Variants in KRT12 observed in about 807,000 individuals in gnomAD.
KRT12 encodes the protein keratin, type I cytoskeletal 12.
KRT12 carries 43 observed loss-of-function variants against 50.2 expected under a neutral mutation model. The ratio of observed to expected loss-of-function variants is 0.86; its 90% confidence interval spans 0.67 to 1.11. The LOEUF (loss-of-function observed/expected upper bound fraction) is 1.11. KRT12 is among the 50% of genes least tolerant of loss of function. KRT12 has a pLI of 0.00. For missense variants in KRT12, 588 were observed against 625.6 expected, an observed-to-expected ratio of 0.94 and a Z score of 0.64; for synonymous variants, 257 against 253.6, an observed-to-expected ratio of 1.01 and a Z score of -0.13.
rs1906913393 is a variant in KRT12, at chr17:40,863,953, T to TACAAACACACACACAC, written c.808-90_808-89insGTGTGTGTGTGTTTGT. Reference sequence around the variant, plus strand: ...ACTTTTGTCCTCTTGGGCCCCTTCCTACACACACACACACACACACACACA... The same window carrying TACAAACACACACACAC: ...ACTTTTGTCCTCTTGGGCCCCTTCCTACAAACACACACACACACACACACACACACACACACACACA... On this transcript the variant is annotated intron_variant, in intron 3 of 7. Transcript: ENST00000251643. The surrounding 1 kb of genome is among the most constrained non-coding windows in gnomAD (Gnocchi z 4.2). 1 of 474,080 alleles carries TACAAACACACACACAC rather than the reference T, an allele frequency of 2.1e-6. No individual in the cohort carries two copies. Among genetic ancestry groups the TACAAACACACACACAC allele is most frequent in the Non-Finnish European group, 3.7e-6 (1 of 272,652 alleles). 29.4% of individuals were successfully genotyped at this position (474,080 alleles called of 1,614,324 possible). A position where few individuals can be genotyped will look rare whatever the true frequency, so the allele number is the denominator to read the frequency against.
intron 1 of KRT12, 87 bp downstream of exon 1, chr17:40,866,533 A>C: frequency 8.4e-7 from 1 of 1,194,178 alleles, no homozygotes; most frequent in Non-Finnish European, 1.2e-6. Context: ...GGAAAATATC[A>C]AAGTTGTAGG....
At chr17:40,864,766 A>G in intron 3 of KRT12, 40 bp downstream of exon 3, 1 of 1,610,992 alleles carries the variant, frequency 6.2e-7, no homozygotes, top group Non-Finnish European at 8.5e-7. Flanking sequence ...TCTGGGAGAA[A>G]AAAAAAAGTA....
Position 40,861,666 on chromosome 17 carries a change from T to C in KRT12, c.1480A>G (p.Met494Val). ...GGGGCAGATCTTGTGAAATTTTACA[T>C]TAGTTCTTCAATTTCCTGAACTTGA... ...SSQVQEIEELM is the reference protein window; with the variant it reads ...SSQVQEIEELV The change falls in exon 8 of 8, where the codon ATG becomes GTG. Residue 494 changes from methionine (M) to valine (V), a missense_variant. Transcript: ENST00000251643. The C allele has an allele frequency of 6.3e-7, 1 of 1,592,106 alleles. No individual in the cohort carries two copies.
At chr17:40,866,504 C>T in intron 1 of KRT12, 116 bp downstream of exon 1, 1 of 919,766 alleles carries the variant, frequency 1.1e-6, no homozygotes, top group Non-Finnish European at 1.7e-6. Flanking sequence ...GAGAAAATTG[C>T]TGCAAGTACA....
intron 3 of KRT12, 127 bp downstream of exon 3, chr17:40,864,679 A>G: frequency 1.0e-6 from 1 of 1,002,106 alleles, no homozygotes; most frequent in Admixed American, 1.7e-5. Context: ...ACAAATGGCC[A>G]TTTTAACAGG....
chr17:40,866,597 A>T, intron 1 of KRT12, 23 bp downstream of exon 1: 5 of 1,601,150 alleles, frequency 3.1e-6, no homozygotes, highest in Non-Finnish European at 3.4e-6. Flanking sequence ...AAATTCCCAA[A>T]GCGCCTCCAA....
At chr17:40,865,711 C>T (rs1490600366) in intron 2 of KRT12, among the ~76,000 whole-genome samples, 1 of 151,950 alleles carries the variant, frequency 6.6e-6, no homozygotes, top group Non-Finnish European at 1.5e-5. Flanking sequence ...GCCTGTAATC[C>T]CAGCTACTCG....
At position 40,866,649 on chromosome 17, in the gene KRT12, A is replaced by T; in HGVS notation, c.538T>A (p.Tyr180Asn). 6.2e-7 allele frequency: 1 copy of T among 1,614,072 alleles called. No homozygotes were observed. The highest frequency in any genetic ancestry group is 1.1e-5 in the South Asian group (1 of 91,086). The part of the protein sequence containing the change: ...DASQSDYSKY[Y>N]PLIEDLRNKI... ...TTCCTGAGGTCTTCAATCAGTGGAT[A>T]ATATTTGCTGTAATCGCTCTGTGAA... The change falls in exon 1 of 8, where the codon TAT becomes AAT. Residue 180 changes from tyrosine (Y) to asparagine (N), a missense_variant. Coordinates refer to ENST00000251643, the MANE Select transcript of KRT12 (RefSeq NM_000223.4).
chr17:40,866,938 A>G lies in KRT12; in HGVS notation c.249T>C (p.Ala83=). 1.2e-6 allele frequency: 2 copies of G among 1,609,872 alleles called. No individual in the cohort carries two copies. Among genetic ancestry groups the G allele is most frequent in the South Asian group, 1.1e-5 (1 of 90,610 alleles). Residue 83 remains alanine (A), a synonymous_variant, in exon 1 of 8, where the codon GCT becomes GCC. Transcript: ENST00000251643. ...SGSSMAGGLG[A]GYGRALGGGS... is the part of the protein sequence containing the mutation. ...CTCCACCCAGGGCTCTCCCATAACC[A>G]GCACCCAGTCCTCCTGCCATGGAAC...
In KRT12 at chr17:40,862,651, G is replaced by A; in HGVS notation, c.1317-16C>T. Reference sequence around the variant, plus strand: ...CAAACCATCACTGTAAGAAAACAAAGGAGATGACCTCAAAAAGTGAAACAA... The same window carrying A: ...CAAACCATCACTGTAAGAAAACAAAAGAGATGACCTCAAAAAGTGAAACAA... On this transcript the variant is annotated splice_polypyrimidine_tract_variant and intron_variant, in intron 6 of 7. Coordinates refer to ENST00000251643, the MANE Select transcript of KRT12 (RefSeq NM_000223.4). The A allele has an allele frequency of 1.3e-6, 2 of 1,589,020 alleles. No individual in the cohort carries two copies. The highest frequency in any genetic ancestry group is 1.7e-6 in the Non-Finnish European group (2 of 1,157,204).
At chr17:40,862,784 A>C in intron 6 of KRT12, 149 bp from the exon 7 acceptor site, 1 of 715,424 alleles carries the variant, frequency 1.4e-6, no homozygotes, top group South Asian at 1.5e-5. Context: ...AGCTTGTTAG[A>C]GTAGGTGGTT....
At position 40,863,227 on chromosome 17, in the gene KRT12, G is replaced by A. The variant is rs1257313829; in HGVS notation, c.1212C>T (p.Asp404=). Residue 404 remains aspartate, a synonymous_variant, in exon 6 of 8, where the codon GAC becomes GAT. Transcript: ENST00000251643. The surrounding 1 kb of genome is among the most constrained non-coding windows in gnomAD (Gnocchi z 4.2). The part of the protein sequence containing the change: ...LEAQLLQVRA[D]AERQNVDHQR... Reference sequence around the variant, plus strand: ...GGTGGTCCACGTTCTGGCGCTCTGCGTCCGCGCGCACCTGGAGCAGCTGTG... The same window carrying A: ...GGTGGTCCACGTTCTGGCGCTCTGCATCCGCGCGCACCTGGAGCAGCTGTG... 1.2e-6 allele frequency: 2 copies of A among 1,613,980 alleles called. No homozygotes were observed. The highest frequency in any genetic ancestry group is 1.7e-6 in the Non-Finnish European group (2 of 1,180,018).
rs1906913551 is a variant in KRT12 at position 40,863,953 on chromosome 17, T to TACACACACACACCCACAC, written c.808-90_808-89insGTGTGGGTGTGTGTGTGT. ...ACTTTTGTCCTCTTGGGCCCCTTCC[T>TACACACACACACCCACAC]ACACACACACACACACACACACACA... On this transcript the variant is annotated intron_variant, in intron 3 of 7. Coordinates refer to ENST00000251643, the MANE Select transcript of KRT12 (RefSeq NM_000223.4). The surrounding 1 kb of genome is among the most constrained non-coding windows in gnomAD (Gnocchi z 4.2). 2.1e-6 allele frequency: 1 copy of TACACACACACACCCACAC among 474,080 alleles called. No homozygotes were observed. Among genetic ancestry groups the TACACACACACACCCACAC allele is most frequent in the East Asian group, 3.5e-5 (1 of 28,748 alleles). 29.4% of individuals were successfully genotyped at this position (474,080 alleles called of 1,614,324 possible).
At position 40,863,953 on chromosome 17, in the gene KRT12, TAC is replaced by T. The variant is rs71155107; in HGVS notation, c.808-91_808-90del. 11,431 of 510,360 alleles carry T rather than the reference TAC, an allele frequency of 0.022. 21 individuals carry two copies. The highest frequency in any genetic ancestry group is 0.028 in the Non-Finnish European group (8,175 of 295,380). 31.6% of individuals were successfully genotyped at this position (510,360 alleles called of 1,614,324 possible). The stretch of plus-strand genomic sequence containing the variant: ...ACTTTTGTCCTCTTGGGCCCCTTCC[TAC>T]ACACACACACACACACACACACACA... On this transcript the variant is annotated intron_variant, in intron 3 of 7. Transcript: ENST00000251643. The surrounding 1 kb of genome is among the most constrained non-coding windows in gnomAD (Gnocchi z 4.2).
Position 40,863,536 on chromosome 17 carries a change from C to G in KRT12, c.1044G>C (p.Leu348=), listed in dbSNP as rs1906884984. 10 of 1,614,264 alleles carry G rather than the reference C, an allele frequency of 6.2e-6. No homozygotes were observed. Among genetic ancestry groups the G allele is most frequent in the Non-Finnish European group, 7.6e-6 (9 of 1,180,044 alleles). ...LQSSKSEVTD[L]RRAFQNLEIE... Reference sequence around the variant, plus strand: ...TCTCCAGGTTCTGAAAGGCGCGACGCAGGTCGGTGACCTCGCTCTTGCTGG... The same window carrying G: ...TCTCCAGGTTCTGAAAGGCGCGACGGAGGTCGGTGACCTCGCTCTTGCTGG... The change falls in exon 5 of 8, where the codon CTG becomes CTC. Residue 348 remains leucine (L), a synonymous_variant. Transcript: ENST00000251643. The surrounding 1 kb of genome is among the most constrained non-coding windows in gnomAD (Gnocchi z 4.2).
intron 7 of KRT12, 21 bp from the exon 8 acceptor site, chr17:40,861,779 A>AG (rs763339293): frequency 6.8e-7 from 1 of 1,468,638 alleles, no homozygotes; most frequent in Non-Finnish European, 9.5e-7. Flanking sequence ...AAATGGAATA[A>AG]GGGGGCAAGA....
At position 40,861,765 on chromosome 17, in the gene KRT12, A is replaced by G; in HGVS notation, c.1388-7T>C. ...TTTCGGGTTTTGGTTGGGTCTAAAG[A>G]TAAAAATGGAATAAGGGGGCAAGAG... On this transcript the variant is annotated splice_region_variant and splice_polypyrimidine_tract_variant and intron_variant, in intron 7 of 7. Coordinates refer to ENST00000251643, the MANE Select transcript of KRT12 (RefSeq NM_000223.4). The G allele has an allele frequency of 6.3e-7, 1 of 1,586,448 alleles. No individual in the cohort carries two copies. Among genetic ancestry groups the G allele is most frequent in the Non-Finnish European group, 8.7e-7 (1 of 1,154,906 alleles).
intron 2 of KRT12, 114 bp from the exon 3 acceptor site, chr17:40,865,076 A>G: frequency 1.8e-6 from 2 of 1,104,414 alleles, no homozygotes; most frequent in South Asian, 1.3e-5. Context: ...TAATGGCAGC[A>G]TTGTAGTGTA....
Position 40,861,579 on chromosome 17 carries a change from C to T in KRT12, c.*82G>A. ...AAAAATAGGGATTGAAGTAATACAGCATGTTACTCTGAAAGGAATAATTTC... is the reference window on the plus strand; with the variant it reads ...AAAAATAGGGATTGAAGTAATACAGTATGTTACTCTGAAAGGAATAATTTC... On this transcript the variant is annotated 3_prime_UTR_variant, in exon 8 of 8. Transcript: ENST00000251643. 1 of 867,208 alleles carries T rather than the reference C, an allele frequency of 1.2e-6. No homozygotes were observed. Among genetic ancestry groups the T allele is most frequent in the Non-Finnish European group, 2.0e-6 (1 of 504,008 alleles). 53.7% of individuals were successfully genotyped at this position (867,208 alleles called of 1,614,324 possible).
Sources: gnomAD v4.1 joint callset for allele counts (sites outside exome capture counted in the v4.1 genomes callset) on GRCh38, gnomAD v4.1.1 for gene constraint, Gnocchi (gnomAD v3.1) non-coding constraint, MANE v1.5 for transcripts, NCBI Gene and HGNC (gene_info 2026-07-23, HGNC 2026-07-21) for gene names.